MLIP: variants seen among roughly 807,000 people sequenced by gnomAD.
The protein encoded by MLIP is muscular LMNA-interacting protein.
A neutral mutation model predicts 84.8 loss-of-function variants in MLIP; 79 were observed. The observed-to-expected ratio is 0.93, with a 90% CI of 0.78 to 1.12. The LOEUF (loss-of-function observed/expected upper bound fraction) is 1.12, where lower values mean the gene tolerates loss of function less well. MLIP is among the 50% of genes most tolerant of loss of function. The pLI, the probability that MLIP is intolerant of heterozygous loss-of-function variation, is 0.00. For synonymous variants in MLIP, 504 were observed against 463.0 expected (o/e 1.09, Z -1.14); for missense variants, 1,257 against 1,160.6 (o/e 1.08, Z -1.21).
At chr6:54,109,909 T>TTTTCTTTCTTTC (rs796941191), upstream of MLIP, among the ~76,000 whole-genome samples, 24 of 112,650 alleles carry the variant, frequency 2.1e-4, 1 homozygote, top group African/African-American at 6.7e-4. Flanking sequence ...CTTTCTTTCT[T>TTTTCTTTCTTTC]TTTCTTTCTT....
intron 12 of MLIP, among the ~76,000 whole-genome samples, chr6:54,240,677 A>G (rs1410527850): frequency 6.6e-6 from 1 of 152,144 alleles, no homozygotes; most frequent in African/African-American, 2.4e-5. Flanking sequence ...GGGGAGCTTT[A>G]GAAAAGTGCA....
At chr6:54,243,456 G>A (rs1310007563) in intron 12 of MLIP, among the ~76,000 whole-genome samples, 2 of 152,196 alleles carry the variant, frequency 1.3e-5, no homozygotes, top group African/African-American at 2.4e-5. Context: ...TCTGAACTGG[G>A]GGGAAAAAGC....
chr6:54,249,947 C>T (rs762127043), intron 12 of MLIP, among the ~76,000 whole-genome samples: 20 of 151,934 alleles, frequency 1.3e-4, no homozygotes, highest in Admixed American at 3.3e-4. Flanking sequence ...TCTTCATCCT[C>T]CCACCCTCCA....
At chr6:54,259,505 A>G (rs527608426) in intron 13 of MLIP, among the ~76,000 whole-genome samples, 10 of 152,058 alleles carry the variant, frequency 6.6e-5, no homozygotes, top group Non-Finnish European at 1.5e-4. Context: ...ATTGAGAACT[A>G]CTGAATGTTA....
At chr6:54,033,085 A>G (rs1764230723) in intron 1 of MLIP, among the ~76,000 whole-genome samples, 1 of 152,128 alleles carries the variant, frequency 6.6e-6, no homozygotes, top group Non-Finnish European at 1.5e-5. Flanking sequence ...CAGAATTGAA[A>G]ACCAAATCCC....
At chr6:54,205,465 T>C (rs1189453852) in intron 11 of MLIP, among the ~76,000 whole-genome samples, 1 of 152,226 alleles carries the variant, frequency 6.6e-6, no homozygotes, top group African/African-American at 2.4e-5. Flanking sequence ...GATGGGATTG[T>C]TAAGTCAATA....
intron 11 of MLIP, among the ~76,000 whole-genome samples, chr6:54,228,599 C>CA (rs34345661): frequency 0.68 from 102,955 of 152,112 alleles, 37,938 homozygotes; most frequent in Non-Finnish European, 0.81. Flanking sequence ...GCACAAAACA[C>CA]AGAGTAGCAC....
At position 54,194,930 on chromosome 6, in the gene MLIP, T is replaced by TA. The variant is rs148617560; in HGVS notation, c.2589+5017dup. 8.1e-3 allele frequency among the ~76,000 whole-genome samples: 1,234 copies of TA among 152,146 alleles called. 16 individuals carry two copies. Among genetic ancestry groups the TA allele is most frequent in the African/African-American group, 0.028 (1,152 of 41,530 alleles). On this transcript the variant is annotated intron_variant, in intron 10 of 13. Coordinates refer to ENST00000502396, the MANE Select transcript of MLIP (RefSeq NM_001281747.2). ...AAGATATTTGTTTGAGGGGAAAACA[T>TA]AGCTTGAGTATTTGCTTCAAGTATA...
rs78305684 is a variant in MLIP, at chr6:54,030,460, G to A, written c.63+11369G>A. ...GGTAAAGAATATAGGTAAGAAGAAGGAGAGTTAGGGAAGGAGTCCTGGTAC... is the reference window on the plus strand; with the variant it reads ...GGTAAAGAATATAGGTAAGAAGAAGAAGAGTTAGGGAAGGAGTCCTGGTAC... On this transcript the variant is annotated intron_variant, in intron 1 of 12. Coordinates refer to the MLIP transcript ENST00000274897. Among the ~76,000 whole-genome samples the A allele has an allele frequency of 1.8e-3, 280 of 152,240 alleles. 4 individuals are homozygous for A. The East Asian group carries it at 0.048, about 26-fold the overall frequency.
intron 11 of MLIP, among the ~76,000 whole-genome samples, chr6:54,221,614 C>A (rs1014478545): frequency 7.2e-5 from 11 of 152,004 alleles, no homozygotes; most frequent in Non-Finnish European, 1.5e-4. Flanking sequence ...CAAAATATAA[C>A]CTCTATCTTC....
intron 4 of MLIP, among the ~76,000 whole-genome samples, chr6:54,145,608 CA>C (rs567294312): frequency 2.0e-5 from 3 of 149,064 alleles, no homozygotes; most frequent in Non-Finnish European, 3.0e-5. Flanking sequence ...CCCATCTCTA[CA>C]AAAAAAATAA....
intron 9 of MLIP, among the ~76,000 whole-genome samples, chr6:54,182,453 C>A (rs537419250): frequency 6.6e-6 from 1 of 152,252 alleles, no homozygotes; most frequent in East Asian, 1.9e-4. Context: ...CCTCTTTCAG[C>A]AATATGAAGT....
intron 1 of MLIP, chr6:54,083,603 G>T: frequency 1.3e-6 from 2 of 1,535,992 alleles, no homozygotes; most frequent in Non-Finnish European, 1.7e-6. Context: ...TGGTACCTTG[G>T]ATTTGAATGT....
At chr6:54,168,803 G>T (rs1187881826) in intron 8 of MLIP, among the ~76,000 whole-genome samples, 1 of 148,012 alleles carries the variant, frequency 6.8e-6, no homozygotes, top group African/African-American at 2.5e-5. Flanking sequence ...TTGCTTCTCA[G>T]ATACAAGTAT....
intron 1 of MLIP, among the ~76,000 whole-genome samples, chr6:54,044,662 C>G (rs1011053603): frequency 2.0e-5 from 3 of 151,078 alleles, no homozygotes; most frequent in Admixed American, 6.6e-5. Flanking sequence ...TCAACGTCAC[C>G]TTATTTCAAA....
chr6:54,222,383 T>C (rs1780277221), intron 11 of MLIP, among the ~76,000 whole-genome samples: 1 of 151,970 alleles, frequency 6.6e-6, no homozygotes, highest in Admixed American at 6.6e-5. Context: ...TCCCCTCCCC[T>C]CTGCCCCTGG....
At chr6:54,071,026 C>T (rs1766453586) in intron 1 of MLIP, among the ~76,000 whole-genome samples, 2 of 152,214 alleles carry the variant, frequency 1.3e-5, no homozygotes, top group Admixed American at 6.5e-5. Context: ...ACCCCTTAGA[C>T]AGAACTAAGA....
At chr6:54,033,556 C>T (rs567524400) in intron 1 of MLIP, among the ~76,000 whole-genome samples, 5 of 152,048 alleles carry the variant, frequency 3.3e-5, no homozygotes, top group Admixed American at 1.3e-4. Flanking sequence ...TGAGCCACCA[C>T]GCCCGGGTGG....
At chr6:54,027,963 T>C (rs1247223893) in intron 1 of MLIP, among the ~76,000 whole-genome samples, 1 of 152,206 alleles carries the variant, frequency 6.6e-6, no homozygotes, top group African/African-American at 2.4e-5. Context: ...AAATATTTTC[T>C]AGGTTCTCAT....
Sources: gnomAD v4.1 joint callset for allele counts (sites outside exome capture counted in the v4.1 genomes callset) on GRCh38, gnomAD v4.1.1 for gene constraint, MANE v1.5 for transcripts, NCBI Gene and HGNC (gene_info 2026-07-23, HGNC 2026-07-21) for gene names.